The following TMEM108 variants were observed in gnomAD, a reference collection of about 807,000 sequenced individuals.
The protein encoded by TMEM108 is transmembrane protein 108.
TMEM108 carries 12 observed loss-of-function variants against 35.1 expected under a neutral mutation model. The observed-to-expected ratio is 0.34, with a 90% CI of 0.22 to 0.55. The LOEUF is 0.55. TMEM108 is among the 20% of genes least tolerant of loss of function. The pLI, the probability that TMEM108 is intolerant of heterozygous loss-of-function variation, is 0.89. For synonymous variants in TMEM108, 287 were observed against 308.6 expected, an observed-to-expected ratio of 0.93 and a Z score of 0.73; for missense variants, 680 against 753.3, an observed-to-expected ratio of 0.90 and a Z score of 1.14.
rs530648612 is a variant in TMEM108 at position 133,267,667 on chromosome 3, T to C, written c.40+38316T>C. Among the ~76,000 whole-genome samples the C allele has an allele frequency of 2.2e-4, 33 of 150,466 alleles. 1 individual carries two copies. Among genetic ancestry groups the C allele is most frequent in the African/African-American group, 7.0e-4 (29 of 41,362 alleles). ...TGAAATGTCTCTCATATGATTATGG[T>C]TGTGGTCAAGGGGTCAGCAGGAGCT... On this transcript the variant is annotated intron_variant, in intron 3 of 5. Transcript: ENST00000321871.
intron 3 of TMEM108, among the ~76,000 whole-genome samples, chr3:133,311,108 G>C (rs935002956): frequency 6.6e-6 from 1 of 152,186 alleles, no homozygotes; most frequent in Non-Finnish European, 1.5e-5. Flanking sequence ...AGTCTGATGG[G>C]CTTCCCTTTG....
chr3:133,315,140 A>T (rs1370853637), intron 3 of TMEM108, among the ~76,000 whole-genome samples: 6 of 152,244 alleles, frequency 3.9e-5, no homozygotes, highest in Non-Finnish European at 8.8e-5. Flanking sequence ...GGAAGTGCTT[A>T]ATAGAGGTTA....
intron 2 of TMEM108, among the ~76,000 whole-genome samples, chr3:133,159,689 G>C (rs949371775): frequency 6.6e-6 from 1 of 152,188 alleles, no homozygotes; most frequent in East Asian, 1.9e-4. Context: ...TTGCGGATGA[G>C]GGAGCTGAGT....
At chr3:133,122,900 T>G (rs541247105) in intron 2 of TMEM108, among the ~76,000 whole-genome samples, 71 of 151,498 alleles carry the variant, frequency 4.7e-4, no homozygotes, top group Middle Eastern at 3.4e-3. Flanking sequence ...CATTTTAAGA[T>G]GCTATAAGGT....
intron 3 of TMEM108, among the ~76,000 whole-genome samples, chr3:133,376,824 C>T (rs1483128499): frequency 6.6e-6 from 1 of 152,186 alleles, no homozygotes; most frequent in Non-Finnish European, 1.5e-5. Context: ...GTCTCTGTCT[C>T]TCCTTTTTCA....
At chr3:133,128,670 G>T (rs186478422) in intron 2 of TMEM108, among the ~76,000 whole-genome samples, 114 of 152,160 alleles carry the variant, frequency 7.5e-4, no homozygotes, top group Non-Finnish European at 1.2e-3. Context: ...ATGATCTTAA[G>T]GCCTTTTGGT....
At chr3:133,207,057 T>C (rs980024402) in intron 2 of TMEM108, among the ~76,000 whole-genome samples, 2 of 152,150 alleles carry the variant, frequency 1.3e-5, no homozygotes, top group Admixed American at 1.3e-4. Flanking sequence ...GGAGCTGTGG[T>C]GGGGCTCTGC....
chr3:133,167,674 C>T (rs1035468507), intron 2 of TMEM108, among the ~76,000 whole-genome samples: 11 of 152,230 alleles, frequency 7.2e-5, no homozygotes, highest in African/African-American at 1.7e-4. Flanking sequence ...TGCCACCGGC[C>T]GACCGCTCGG....
intron 2 of TMEM108, among the ~76,000 whole-genome samples, chr3:133,058,183 T>G (rs1202445060): frequency 6.6e-6 from 1 of 152,222 alleles, no homozygotes; most frequent in Non-Finnish European, 1.5e-5. Flanking sequence ...TGTGGCTGCC[T>G]TTTTGACTTG....
In TMEM108 at chr3:133,114,729, G is replaced by A. The variant is rs576708280; in HGVS notation, c.-47+68709G>A. Among the ~76,000 whole-genome samples the A allele has an allele frequency of 1.1e-3, 173 of 152,176 alleles. 1 individual carries two copies. The highest frequency in any genetic ancestry group is 1.9e-3 in the Non-Finnish European group (128 of 68,006). ...TTTGGTCAATATCCTCTCTTCCATG[G>A]ATAGAAATATGAATAAGAATAATCC... On this transcript the variant is annotated intron_variant, in intron 2 of 5. Transcript: ENST00000321871.
intron 2 of TMEM108, among the ~76,000 whole-genome samples, chr3:133,095,185 A>G (rs1261909518): frequency 6.6e-6 from 1 of 152,230 alleles, no homozygotes; most frequent in Non-Finnish European, 1.5e-5. Context: ...AGATCCAAAG[A>G]GATGACTCTT....
At chr3:133,345,917 C>G (rs1022178680) in intron 3 of TMEM108, among the ~76,000 whole-genome samples, 1 of 151,938 alleles carries the variant, frequency 6.6e-6, no homozygotes, top group Non-Finnish European at 1.5e-5. Flanking sequence ...TGGCTTCTTT[C>G]ACTCAGCAAT....
At chr3:133,113,593 A>G (rs1324324245) in intron 2 of TMEM108, among the ~76,000 whole-genome samples, 1 of 152,200 alleles carries the variant, frequency 6.6e-6, no homozygotes, top group Non-Finnish European at 1.5e-5. Context: ...CCCACAAGAC[A>G]AGTAATAATT....
chr3:133,361,854 A>ACATT (rs1453691941), intron 3 of TMEM108, among the ~76,000 whole-genome samples: 1 of 152,244 alleles, frequency 6.6e-6, no homozygotes, highest in African/African-American at 2.4e-5. Flanking sequence ...ACCACTTCTC[A>ACATT]GTAAATAGCA....
chr3:133,214,027 A>G (rs573271729), intron 2 of TMEM108, among the ~76,000 whole-genome samples: 6 of 152,292 alleles, frequency 3.9e-5, no homozygotes, highest in African/African-American at 1.4e-4. Flanking sequence ...TCGGGGAATC[A>G]CAATTAACAG....
chr3:133,387,993 G>A, intron 4 of TMEM108: 1 of 985,402 alleles, frequency 1.0e-6, no homozygotes, highest in Non-Finnish European at 1.2e-6. Flanking sequence ...CTTTTCCCCT[G>A]CCAGCCTGTG....
chr3:133,199,102 G>A (rs763801821), intron 2 of TMEM108, among the ~76,000 whole-genome samples: 13 of 152,016 alleles, frequency 8.6e-5, no homozygotes, highest in South Asian at 2.1e-4. Flanking sequence ...TTGTGCATTC[G>A]TCACCTAGTT....
chr3:133,175,280 A>G (rs1396179041), intron 2 of TMEM108, among the ~76,000 whole-genome samples: 1 of 152,244 alleles, frequency 6.6e-6, no homozygotes, highest in African/African-American at 2.4e-5. Flanking sequence ...GAACTTCCCC[A>G]ACCTAGCAAG....
At chr3:133,336,569 G>GGTGGGACTCTGAGACTCACTGGCTTCAA (rs1381148467) in intron 3 of TMEM108, among the ~76,000 whole-genome samples, 1 of 151,964 alleles carries the variant, frequency 6.6e-6, no homozygotes, top group African/African-American at 2.4e-5. Context: ...ATGGGTCTTG[G>GGTGGGACTCTGAGACTCACTGGCTTCAA]GTGGGACTCT....
Sources: allele counts gnomAD v4.1 joint callset (sites outside exome capture counted in the v4.1 genomes callset), GRCh38; gene constraint gnomAD v4.1.1; transcripts MANE v1.5; gene names NCBI Gene and HGNC (gene_info 2026-07-23, HGNC 2026-07-21).